Variants in SYNDIG1L observed in about 807,000 individuals in gnomAD.
SYNDIG1L encodes the protein synapse differentiation inducing 1 like, also known as synapse differentiation-inducing gene protein 1-like.
Under a neutral mutation model 20.1 loss-of-function variants are expected in SYNDIG1L, and 13 were observed. The ratio of observed to expected loss-of-function variants is 0.65; its 90% CI spans 0.42 to 1.03. SYNDIG1L has a LOEUF of 1.03. SYNDIG1L is among the 50% of genes least tolerant of loss of function. The pLI is 0.00. For synonymous variants in SYNDIG1L, 128 were observed against 129.3 expected, an observed-to-expected ratio of 0.99 and a Z score of 0.07; for missense variants, 294 against 305.1, an observed-to-expected ratio of 0.96 and a Z score of 0.27.
intron 1 of SYNDIG1L, among the ~76,000 whole-genome samples, chr14:74,410,388 G>C (rs1366783180): frequency 6.6e-6 from 1 of 152,160 alleles, no homozygotes; most frequent in Non-Finnish European, 1.5e-5. Flanking sequence ...ACAGGAAAAG[G>C]CAGGTGTGGT....
At chr14:74,460,618 C>A in the SYNDIG1L span, among the ~76,000 whole-genome samples, 1 of 152,178 alleles carries the variant, frequency 6.6e-6, no homozygotes, top group South Asian at 2.1e-4. Flanking sequence ...GTTTTCCCTT[C>A]CATCCTGGGC....
upstream of SYNDIG1L, among the ~76,000 whole-genome samples, chr14:74,427,971 G>T (rs1266618390): frequency 6.6e-6 from 1 of 152,138 alleles, no homozygotes; most frequent in Non-Finnish European, 1.5e-5. Flanking sequence ...TAATTGAAAG[G>T]ATAATAAAAA....
At chr14:74,434,567 A>G in the SYNDIG1L span, among the ~76,000 whole-genome samples, 1 of 152,018 alleles carries the variant, frequency 6.6e-6, no homozygotes, top group Non-Finnish European at 1.5e-5. Context: ...AAAGGGGAAG[A>G]GATCAAGGCA....
intron 1 of SYNDIG1L, among the ~76,000 whole-genome samples, chr14:74,424,302 G>A (rs6574179): frequency 0.53 from 79,954 of 152,020 alleles, 21,697 homozygotes; most frequent in African/African-American, 0.67. Context: ...AGACAGCGGC[G>A]GATCTGTGAC....
At chr14:74,414,166 C>T (rs184803198) in intron 1 of SYNDIG1L, among the ~76,000 whole-genome samples, 2 of 152,346 alleles carry the variant, frequency 1.3e-5, no homozygotes, top group Admixed American at 1.3e-4. Flanking sequence ...GTGTGCCTTC[C>T]AGACCCTGTG....
At chr14:74,420,027 G>A (rs1373293483) in intron 1 of SYNDIG1L, among the ~76,000 whole-genome samples, 1 of 152,124 alleles carries the variant, frequency 6.6e-6, no homozygotes, top group Non-Finnish European at 1.5e-5. Context: ...GCACTCTGAT[G>A]GGCGGCAGGG....
the SYNDIG1L span, among the ~76,000 whole-genome samples, chr14:74,432,180 T>TGTGTGTGTGTGTGTGTGAGAGA: frequency 8.9e-5 from 11 of 124,064 alleles, no homozygotes; most frequent in Admixed American, 1.7e-4. Flanking sequence ...TGTGTGTGTG[T>TGTGTGTGTGTGTGTGTGAGAGA]GAGAGAGAGA....
At chr14:74,464,694 G>A in the SYNDIG1L span, among the ~76,000 whole-genome samples, 7 of 152,068 alleles carry the variant, frequency 4.6e-5, no homozygotes, top group Admixed American at 3.9e-4. Context: ...GTATGGCCTG[G>A]TTAGCACGTA....
the SYNDIG1L span, among the ~76,000 whole-genome samples, chr14:74,442,974 C>T: frequency 2.0e-5 from 3 of 152,150 alleles, no homozygotes; most frequent in African/African-American, 7.2e-5. Flanking sequence ...GACCTGTTGG[C>T]TTATGGTGCC....
At chr14:74,454,513 G>A in the SYNDIG1L span, among the ~76,000 whole-genome samples, 10 of 152,212 alleles carry the variant, frequency 6.6e-5, no homozygotes, top group African/African-American at 2.4e-4. Context: ...GCAGCCCTGA[G>A]AAGCTGGAGC....
the SYNDIG1L span, among the ~76,000 whole-genome samples, chr14:74,468,912 A>G: frequency 6.6e-6 from 1 of 152,118 alleles, no homozygotes; most frequent in Admixed American, 6.5e-5. Context: ...TTCCCCAAAT[A>G]ACCTCACTGT....
At chr14:74,449,456 A>AAAAC in the SYNDIG1L span, among the ~76,000 whole-genome samples, 6 of 142,614 alleles carry the variant, frequency 4.2e-5, no homozygotes, top group African/African-American at 1.6e-4. Context: ...AAAAAAAAAA[A>AAAAC]AAAAAAAAAG....
chr14:74,434,977 G>GT, the SYNDIG1L span, among the ~76,000 whole-genome samples: 1 of 151,072 alleles, frequency 6.6e-6, no homozygotes, highest in African/African-American at 2.4e-5. Flanking sequence ...CAGCTGCTCG[G>GT]GAGGCGGAGG....
chr14:74,477,742 C>T, the SYNDIG1L span, among the ~76,000 whole-genome samples: 1 of 152,158 alleles, frequency 6.6e-6, no homozygotes, highest in African/African-American at 2.4e-5. Flanking sequence ...ATTATTTCAA[C>T]AATTAGAATC....
the SYNDIG1L span, among the ~76,000 whole-genome samples, chr14:74,457,645 T>G: frequency 6.6e-6 from 1 of 151,870 alleles, no homozygotes; most frequent in African/African-American, 2.4e-5. Flanking sequence ...GCAGGATTTC[T>G]GTAGGTGCTT....
At chr14:74,449,438 CAAAAAAAA>C in the SYNDIG1L span, among the ~76,000 whole-genome samples, 17 of 34,014 alleles carry the variant, frequency 5.0e-4, 1 homozygote, top group African/African-American at 1.8e-3. Context: ...CCTGTCTTTA[CAAAAAAAA>C]AAAAAAAAAA....
the SYNDIG1L span, among the ~76,000 whole-genome samples, chr14:74,449,096 G>A: frequency 1.8e-4 from 27 of 151,898 alleles, no homozygotes; most frequent in Non-Finnish European, 2.9e-5. Context: ...AGCCTGGCAT[G>A]GTGGTGTGTG....
At chr14:74,455,098 A>C in the SYNDIG1L span, among the ~76,000 whole-genome samples, 1 of 152,250 alleles carries the variant, frequency 6.6e-6, no homozygotes, top group South Asian at 2.1e-4. Flanking sequence ...TCAAGACTGC[A>C]GTGTCAGCTC....
the SYNDIG1L span, chr14:74,479,921 G>A: frequency 2.5e-6 from 3 of 1,200,084 alleles, no homozygotes; most frequent in South Asian, 1.6e-5. Context: ...AAAGGAGCAG[G>A]AGAAGACCAC....
Sources: gnomAD v4.1 joint callset for allele counts (sites outside exome capture counted in the v4.1 genomes callset) on GRCh38, gnomAD v4.1.1 for gene constraint, MANE v1.5 for transcripts, NCBI Gene and HGNC (gene_info 2026-07-23, HGNC 2026-07-21) for gene names.